AP3D1: variants seen among roughly 807,000 people sequenced by gnomAD.
AP3D1 encodes the protein AP-3 complex subunit delta-1.
AP3D1 carries 51 observed loss-of-function variants against 147.6 expected under a neutral mutation model. The observed-to-expected ratio is 0.35, with a 90% CI of 0.28 to 0.44. The LOEUF (loss-of-function observed/expected upper bound fraction) is 0.44, where lower values mean the gene tolerates loss of function less well. Among genes scored for constraint, AP3D1 ranks in the 20% least tolerant of loss-of-function variants. The pLI is 1.00. For synonymous variants in AP3D1, 760 were observed against 663.0 expected (o/e 1.15, Z -2.25); for missense variants, 1,421 against 1,624.2 (o/e 0.87, Z 2.15).
chr19:2,130,578 C>T, intron 5 of AP3D1, 41 bp from the exon 6 acceptor site: 3 of 1,609,686 alleles, frequency 1.9e-6, no homozygotes, highest in Non-Finnish European at 2.5e-6. Flanking sequence ...GCTTTCTGCG[C>T]CTCATCCCTG....
Position 2,112,856 on chromosome 19 carries a change from T to TTG in AP3D1, c.2787+3_2787+4insCA, listed in dbSNP as rs2018323843. The TTG allele has an allele frequency of 6.2e-7, 1 of 1,607,222 alleles. No homozygotes were observed. Among genetic ancestry groups the TTG allele is most frequent in the African/African-American group, 1.3e-5 (1 of 74,874 alleles). On this transcript the variant is annotated splice_donor_region_variant and intron_variant, in intron 24 of 31. Transcript: ENST00000643116. ...CACAGCCCCTGGGGGAGTGACAGCCTCACCTTGTCCTGGTCTTGCCCCTCG... is the reference window on the plus strand; with the variant it reads ...CACAGCCCCTGGGGGAGTGACAGCCTTGCACCTTGTCCTGGTCTTGCCCCTCG...
chr19:2,123,203 C>T (rs941318452), intron 11 of AP3D1, among the ~76,000 whole-genome samples, 155 bp downstream of exon 11: 1 of 152,172 alleles, frequency 6.6e-6, no homozygotes, highest in Non-Finnish European at 1.5e-5. Flanking sequence ...CCACAGGGCA[C>T]TGGCAGAGGG....
chr19:2,120,536 T>C (rs374370751), intron 14 of AP3D1, among the ~76,000 whole-genome samples: 1 of 152,216 alleles, frequency 6.6e-6, no homozygotes, highest in African/African-American at 2.4e-5. Flanking sequence ...GCCTTGCAGA[T>C]GCCCAGGGCC....
At chr19:2,132,417 C>T (rs1254510033) in intron 5 of AP3D1, 54 bp downstream of exon 5, 7 of 1,514,810 alleles carry the variant, frequency 4.6e-6, no homozygotes, top group African/African-American at 1.4e-5. Context: ...CCACTTTGAC[C>T]GAGTTTTTCC....
At chr19:2,138,556 G>A (rs972872331) in intron 2 of AP3D1, 63 bp downstream of exon 2, 3 of 1,220,182 alleles carry the variant, frequency 2.5e-6, no homozygotes, top group East Asian at 2.3e-5. Flanking sequence ...ATGAATAGGG[G>A]ACACGTGCTG....
rs759313371 is a variant in AP3D1 at position 2,120,922 on chromosome 19, T to C, written c.1421A>G (p.Gln474Arg). 5.6e-6 allele frequency: 9 copies of C among 1,611,614 alleles called. No individual in the cohort carries two copies. The Admixed American group carries it at 1.5e-4, about 27-fold the overall frequency. Residue 474 changes from glutamine to arginine, a missense_variant, in exon 14 of 32, where the codon CAG (glutamine) becomes CGG (arginine). By Grantham distance (43) the Gln-to-Arg change is conservative. Around this residue, in one of 6 missense-constraint regions of AP3D1, gnomAD observed 310 missense variants for 388.1 expected, o/e 0.80. Coordinates refer to ENST00000643116, the MANE Select transcript of AP3D1 (RefSeq NM_001261826.3). Reference sequence around the variant, plus strand: ...CAGCACCTCACAGATCCCGTTCCGCTGGGTGCTGCTGGCCAGCAGGTGTGC... The same window carrying C: ...CAGCACCTCACAGATCCCGTTCCGCCGGGTGCTGCTGGCCAGCAGGTGTGC... ...DSAHLLASSTQRNGICEVLYA... is the reference protein window; with the variant it reads ...DSAHLLASSTRRNGICEVLYA...
At chr19:2,127,023 C>A (rs1263029461) in intron 9 of AP3D1, 129 bp downstream of exon 9, 5 of 1,001,500 alleles carry the variant, frequency 5.0e-6, no homozygotes, top group African/African-American at 4.8e-5. Context: ...GCCCCACCAG[C>A]CAGCTTTCCT....
chr19:2,132,881 C>G lies in AP3D1; in HGVS notation c.355-303G>C, dbSNP rs148746872. On this transcript the variant is annotated intron_variant, in intron 4 of 31. Transcript: ENST00000643116. ...AAACGCTCTGTGGGTGGGAATCAAC[C>G]AAGTTTCTTGGCTCCTCCTGGATGG... Among the ~76,000 whole-genome samples the G allele has an allele frequency of 2.0e-5, 3 of 152,204 alleles. No homozygotes were observed. In the East Asian group the frequency reaches 5.8e-4, roughly 29 times the overall value.
At chr19:2,153,520 A>G (rs2019618868), upstream of AP3D1, among the ~76,000 whole-genome samples, 1 of 151,906 alleles carries the variant, frequency 6.6e-6, no homozygotes. Context: ...TACTAAAAAT[A>G]CAAAAATTAG....
rs201113371 is a variant in AP3D1, at chr19:2,102,184, C to T, written c.3637G>A (p.Ala1213Thr). Reference sequence around the variant, plus strand: ...CTCGCAGGCAGCTCTCAACACTTGGCCAGCGTCGCCTTCATCTCTTCTAAC... The same window carrying T: ...CTCGCAGGCAGCTCTCAACACTTGGTCAGCGTCGCCTTCATCTCTTCTAAC... ...NLLEEMKATL[A>T]KC Residue 1213 changes from alanine (A) to threonine (T), a missense_variant, in exon 32 of 32, where the codon GCC becomes ACC. Coordinates refer to ENST00000643116, the MANE Select transcript of AP3D1 (RefSeq NM_001261826.3). 5.3e-5 allele frequency: 85 copies of T among 1,613,684 alleles called. No individual in the cohort carries two copies. The African/African-American group carries it at 1.0e-3, about 20-fold the overall frequency.
chr19:2,154,847 T>C (rs571687750), upstream of AP3D1, among the ~76,000 whole-genome samples: 18 of 152,340 alleles, frequency 1.2e-4, no homozygotes, highest in African/African-American at 4.1e-4. Flanking sequence ...CGTTTCTTTA[T>C]GATTGTGAGT....
Position 2,116,758 on chromosome 19 carries a change from A to AG in AP3D1, c.1860-13dup. 2 of 1,601,978 alleles carry AG rather than the reference A, an allele frequency of 1.2e-6. No homozygotes were observed. Among genetic ancestry groups the AG allele is most frequent in the Non-Finnish European group, 1.7e-6 (2 of 1,174,280 alleles). On this transcript the variant is annotated splice_polypyrimidine_tract_variant and intron_variant, in intron 16 of 31. Coordinates refer to ENST00000643116, the MANE Select transcript of AP3D1 (RefSeq NM_001261826.3). ...CGTCCAGGTCCAGGCTGCACCGGACAGGAGGGCCACACAAGGCAGTGTGTG... is the reference window on the plus strand; with the variant it reads ...CGTCCAGGTCCAGGCTGCACCGGACAGGGAGGGCCACACAAGGCAGTGTGTG...
intron 1 of AP3D1, among the ~76,000 whole-genome samples, chr19:2,141,973 C>T (rs1021897692): frequency 1.3e-5 from 2 of 149,412 alleles, no homozygotes; most frequent in East Asian, 1.9e-4. Flanking sequence ...TATGTATATA[C>T]TTGTTTACAT....
chr19:2,161,491 C>G (rs1358423456), intron 1 of AP3D1, among the ~76,000 whole-genome samples: 1 of 152,020 alleles, frequency 6.6e-6, no homozygotes, highest in Non-Finnish European at 1.5e-5. Context: ...AAATGACTTG[C>G]ATTCCTTAGA....
At chr19:2,132,601 C>T (rs201099587) in intron 4 of AP3D1, 23 bp from the exon 5 acceptor site, 17 of 1,588,722 alleles carry the variant, frequency 1.1e-5, no homozygotes, top group Middle Eastern at 1.7e-4. Context: ...AGAAAGGGGC[C>T]GTGGCCAGGA....
In AP3D1 at chr19:2,110,119, A is replaced by G; in HGVS notation, c.3264+17T>C. ...CTGCAGAGTCGGCTCTTCAACGCCA[A>G]GTGGAGCCCTGCATACCTTGGCAAT... On this transcript the variant is annotated intron_variant, in intron 28 of 31. Coordinates refer to ENST00000643116, the MANE Select transcript of AP3D1 (RefSeq NM_001261826.3). The G allele has an allele frequency of 6.2e-7, 1 of 1,610,502 alleles. No homozygotes were observed.
intron 9 of AP3D1, among the ~76,000 whole-genome samples, chr19:2,124,874 G>C (rs147423531): frequency 0.13 from 19,052 of 152,224 alleles, 1,320 homozygotes; most frequent in Non-Finnish European, 0.16. Context: ...GGGAGGCAGA[G>C]GTTGCGGTGA....
chr19:2,126,671 A>G (rs1026105712), intron 9 of AP3D1, among the ~76,000 whole-genome samples: 4 of 148,596 alleles, frequency 2.7e-5, no homozygotes, highest in South Asian at 2.1e-4. Context: ...AAAAAAAAAA[A>G]GAAAGAAAAA....
At position 2,109,169 on chromosome 19, in the gene AP3D1, C is replaced by A; in HGVS notation, c.3389G>T (p.Ser1130Ile). The A allele has an allele frequency of 6.2e-7, 1 of 1,608,956 alleles. No homozygotes were observed. Among genetic ancestry groups the A allele is most frequent in the Non-Finnish European group, 8.5e-7 (1 of 1,178,258 alleles). ...FAKLLESGDLSMSSIKVDGIR... is the reference protein window; with the variant it reads ...FAKLLESGDLIMSSIKVDGIR... ...GCCATCGACTTTGATTGAGCTCATG[C>A]TCAAGTCCCCAGACTCCAGCAACTT... The change falls in exon 30 of 32, where the codon AGC becomes ATC. Residue 1130 changes from serine (S) to isoleucine (I), a missense_variant. Physicochemically the swap from Ser to Ile is moderately radical, Grantham distance 142. Transcript: ENST00000643116.
Sources: gnomAD v4.1 joint callset for allele counts (sites outside exome capture counted in the v4.1 genomes callset) on GRCh38, gnomAD v4.1.1 for gene constraint, gnomAD v4.1.1 regional missense constraint, MANE v1.5 for transcripts, NCBI Gene and HGNC (gene_info 2026-07-23, HGNC 2026-07-21) for gene names.